PPFIBP1: variants seen among roughly 807,000 people sequenced by gnomAD.
PPFIBP1 encodes the protein PPFIB scaffold protein 1, also known as liprin-beta-1.
In PPFIBP1, 112 loss-of-function variants were observed where a neutral mutation model predicts 137.8. The observed-to-expected ratio is 0.81, with a 90% CI of 0.70 to 0.95. PPFIBP1 has a LOEUF of 0.95. Ranked by LOEUF, PPFIBP1 falls within the 40% of genes least tolerant of loss-of-function variation. The pLI, the probability that PPFIBP1 is intolerant of heterozygous loss-of-function variation, is 0.00. For missense variants in PPFIBP1, 1,083 were observed against 1,196.6 expected (o/e 0.91, Z 1.40); for synonymous variants, 378 against 417.3 (o/e 0.91, Z 1.15).
intron 1 of PPFIBP1, chr12:27,547,402 G>T (rs567212687): frequency 6.6e-6 from 1 of 152,218 alleles, no homozygotes; most frequent in Non-Finnish European, 1.5e-5. Flanking sequence ...GCTGTATGAC[G>T]AGTATTTTTC....
In PPFIBP1 at chr12:27,671,466, A is replaced by C. The variant is rs1201463628; in HGVS notation, c.1182A>C (p.Ser394=). The change falls in exon 14 of 30, where the codon TCA becomes TCC. Residue 394 remains serine (S), a synonymous_variant. Transcript: ENST00000228425. ...CCATCTTGCAAGTTTCCATCCCTTC[A>C]TTATTGCCAGCAACTGTAAGCATGG... The part of the protein sequence containing the change: ...HTTILQVSIP[S]LLPATVSMET... The C allele has an allele frequency of 6.2e-7, 1 of 1,600,650 alleles. No homozygotes were observed. Among genetic ancestry groups the C allele is most frequent in the Non-Finnish European group, 8.5e-7 (1 of 1,175,054 alleles).
chr12:27,581,039 C>T (rs1183039789), intron 2 of PPFIBP1, among the ~76,000 whole-genome samples: 1 of 151,948 alleles, frequency 6.6e-6, no homozygotes, highest in Non-Finnish European at 1.5e-5. Context: ...GGACTACAGG[C>T]GTGTGCCATC....
At chr12:27,538,711 A>G (rs1945323581) in intron 1 of PPFIBP1, among the ~76,000 whole-genome samples, 1 of 152,194 alleles carries the variant, frequency 6.6e-6, no homozygotes, top group Non-Finnish European at 1.5e-5. Flanking sequence ...CTCCATGGAG[A>G]TGCAAAGATG....
At chr12:27,597,141 G>T (rs1244855322) in intron 2 of PPFIBP1, among the ~76,000 whole-genome samples, 2 of 152,156 alleles carry the variant, frequency 1.3e-5, no homozygotes, top group Non-Finnish European at 2.9e-5. Flanking sequence ...ATTTGGGGCA[G>T]GCCAAAATGA....
intron 2 of PPFIBP1, among the ~76,000 whole-genome samples, chr12:27,582,076 T>C (rs1404746615): frequency 6.6e-6 from 1 of 152,118 alleles, no homozygotes; most frequent in East Asian, 1.9e-4. Flanking sequence ...TCAGTTGCTT[T>C]GCTTTCTCCT....
intron 1 of PPFIBP1, among the ~76,000 whole-genome samples, chr12:27,556,294 T>C (rs1292306825): frequency 6.6e-6 from 1 of 152,200 alleles, no homozygotes; most frequent in Non-Finnish European, 1.5e-5. Flanking sequence ...ATGAAACACA[T>C]AAATATTGAA....
chr12:27,672,669 T>A (rs2060272592), intron 15 of PPFIBP1, among the ~76,000 whole-genome samples, 186 bp downstream of exon 15: 2 of 152,158 alleles, frequency 1.3e-5, no homozygotes, highest in Non-Finnish European at 2.9e-5. Flanking sequence ...AAGAAATAAT[T>A]TCTGATTTGC....
intron 6 of PPFIBP1, 151 bp downstream of exon 6, chr12:27,647,993 T>C (rs1339671685): frequency 6.5e-6 from 6 of 927,424 alleles, no homozygotes; most frequent in South Asian, 3.5e-5. Context: ...AGTAGTAGAG[T>C]CTCAAAACAC....
At chr12:27,670,044 T>C (rs2060088189) in intron 13 of PPFIBP1, among the ~76,000 whole-genome samples, 1 of 152,176 alleles carries the variant, frequency 6.6e-6, no homozygotes. Flanking sequence ...GTGTGAGTCT[T>C]TATCAGGCAG....
intron 10 of PPFIBP1, among the ~76,000 whole-genome samples, chr12:27,659,740 T>C (rs1301671161): frequency 6.6e-6 from 1 of 152,142 alleles, no homozygotes; most frequent in East Asian, 1.9e-4. Flanking sequence ...ATATCTTAAT[T>C]GAAAATGTTA....
At position 27,670,792 on chromosome 12, in the gene PPFIBP1, A is replaced by AT. The variant is rs60538679; in HGVS notation, c.1147-639_1147-638insT. 6.7e-3 allele frequency among the ~76,000 whole-genome samples: 977 copies of AT among 146,834 alleles called. 3 individuals are homozygous for AT. The highest frequency in any genetic ancestry group is 7.9e-3 in the African/African-American group (318 of 40,018). On this transcript the variant is annotated intron_variant, in intron 13 of 29. Transcript: ENST00000228425. Reference sequence around the variant, plus strand: ...AGACCCTGTCTCAAAAAAAAAAAAAAAAAATAATAATAATAATAATAATAG... The same window carrying AT: ...AGACCCTGTCTCAAAAAAAAAAAAAATAAAATAATAATAATAATAATAATAG...
chr12:27,557,283 T>G (rs1053865543), intron 1 of PPFIBP1, among the ~76,000 whole-genome samples: 1 of 145,696 alleles, frequency 6.9e-6, no homozygotes, highest in East Asian at 2.0e-4. Flanking sequence ...TTGCCCAGGG[T>G]GGAGTGCAGC....
rs1219557659 is a variant in PPFIBP1, at chr12:27,545,128, C to T, written c.-124+20763C>T. Among the ~76,000 whole-genome samples the T allele has an allele frequency of 2.0e-5, 3 of 151,262 alleles. No homozygotes were observed. In the East Asian group the frequency reaches 5.8e-4, roughly 29 times the overall value. ...AACCATCATTCTCAGCAAACTAACA[C>T]AGGAACAGAAAACCAAACACCACAT... On this transcript the variant is annotated intron_variant, in intron 1 of 29. Transcript: ENST00000228425.
At chr12:27,526,519 A>T (rs1223188335) in intron 1 of PPFIBP1, among the ~76,000 whole-genome samples, 2 of 152,216 alleles carry the variant, frequency 1.3e-5, no homozygotes, top group African/African-American at 2.4e-5. Context: ...AACAACTGTC[A>T]TATTTCCAAG....
intron 2 of PPFIBP1, among the ~76,000 whole-genome samples, chr12:27,626,276 G>C (rs139510713): frequency 6.6e-6 from 1 of 152,258 alleles, no homozygotes; most frequent in East Asian, 1.9e-4. Context: ...TAAAGGGAGA[G>C]GTTTTTTGAA....
intron 1 of PPFIBP1, among the ~76,000 whole-genome samples, chr12:27,573,306 A>G (rs558464096): frequency 6.6e-6 from 1 of 152,334 alleles, no homozygotes; most frequent in South Asian, 2.1e-4. Context: ...GGTGTTGGCA[A>G]TGAGAGAAAA....
At position 27,524,338 on chromosome 12, in the gene PPFIBP1, C is replaced by G. The variant is rs1027699804; in HGVS notation, c.-151C>G. On this transcript the variant is annotated 5_prime_UTR_variant, in exon 1 of 30. Coordinates refer to ENST00000228425, the MANE Select transcript of PPFIBP1 (RefSeq NM_003622.4). ...AGGAGGTGGACCAGAACTTTTGGAA[C>G]TAGTGCCGGCGGCTCTCCACCCCCC... The G allele has an allele frequency of 5.9e-5, 9 of 152,468 alleles. No homozygotes were observed. The highest frequency in any genetic ancestry group is 5.9e-4 in the Admixed American group (9 of 15,304). 9.4% of individuals were successfully genotyped at this position (152,468 alleles called of 1,614,324 possible).
At chr12:27,617,576 A>AATGATGTAGTATTTGCCT (rs1332602585) in intron 2 of PPFIBP1, among the ~76,000 whole-genome samples, 2 of 152,202 alleles carry the variant, frequency 1.3e-5, no homozygotes, top group African/African-American at 2.4e-5. Flanking sequence ...CCTTATATGA[A>AATGATGTAGTATTTGCCT]ATGATGTAGT....
intron 9 of PPFIBP1, 59 bp from the exon 10 acceptor site, chr12:27,658,757 A>G: frequency 6.6e-7 from 1 of 1,520,602 alleles, no homozygotes; most frequent in African/African-American, 1.4e-5. Flanking sequence ...GTGATTTAAA[A>G]ATATTACTTA....
Sources: gnomAD v4.1 joint callset for allele counts (sites outside exome capture counted in the v4.1 genomes callset) on GRCh38, gnomAD v4.1.1 for gene constraint, MANE v1.5 for transcripts, NCBI Gene and HGNC (gene_info 2026-07-23, HGNC 2026-07-21) for gene names.